Variants in GRAMD1B observed in about 807,000 individuals in gnomAD.
The protein encoded by GRAMD1B is GRAM domain containing 1B, also known as protein Aster-B.
In GRAMD1B, 37 loss-of-function variants were observed where a neutral mutation model predicts 99.7. The observed-to-expected ratio is 0.37, with a 90% confidence interval of 0.29 to 0.49. The LOEUF is 0.49. Among genes scored for constraint, GRAMD1B ranks in the 20% least tolerant of loss-of-function variants. GRAMD1B has a pLI of 0.98. For synonymous variants in GRAMD1B, 427 were observed against 387.6 expected, an observed-to-expected ratio of 1.10 and a Z score of -1.19; for missense variants, 888 against 1,009.2, an observed-to-expected ratio of 0.88 and a Z score of 1.63.
chr11:123,498,505 G>A lies in GRAMD1B; in HGVS notation c.452+17612G>A, dbSNP rs528254209. Among the ~76,000 whole-genome samples, 11 of 152,298 alleles carry A rather than the reference G, an allele frequency of 7.2e-5. No individual in the cohort carries two copies. In the South Asian group the frequency reaches 2.1e-3, roughly 29 times the overall value. The stretch of plus-strand genomic sequence containing the variant: ...GTTATATGAAATTAAAACCAGTTAC[G>A]GTAATTGCTCACCCAACATTGTTTC... On this transcript the variant is annotated intron_variant, in intron 2 of 19. Coordinates refer to ENST00000635736, the MANE Select transcript of GRAMD1B (RefSeq NM_001387025.1).
intron 10 of GRAMD1B, among the ~76,000 whole-genome samples, chr11:123,605,741 G>T (rs544580979): frequency 1.3e-5 from 2 of 152,350 alleles, no homozygotes; most frequent in South Asian, 4.1e-4. Context: ...AGCCCACTGT[G>T]CTGGGCTGCT....
At chr11:123,464,008 G>C (rs1247534927) in intron 1 of GRAMD1B, among the ~76,000 whole-genome samples, 1 of 152,054 alleles carries the variant, frequency 6.6e-6, no homozygotes, top group Non-Finnish European at 1.5e-5. Flanking sequence ...GACTTGACTA[G>C]AGCTGTTTTA....
intron 1 of GRAMD1B, among the ~76,000 whole-genome samples, chr11:123,367,012 T>C (rs1443525307): frequency 6.6e-6 from 1 of 152,144 alleles, no homozygotes; most frequent in East Asian, 1.9e-4. Flanking sequence ...AAGACCACCC[T>C]GAGCAACATA....
At position 123,577,400 on chromosome 11, in the gene GRAMD1B, C is replaced by A; in HGVS notation, c.486C>A (p.Ala162=). The A allele has an allele frequency of 6.3e-7, 1 of 1,595,684 alleles. No homozygotes were observed. The highest frequency in any genetic ancestry group is 8.5e-7 in the Non-Finnish European group (1 of 1,171,634). The part of the protein sequence containing the change: ...TASNSNRSTP[A]CSPILRKRSR... Reference sequence around the variant, plus strand: ...GTAACTCCAACCGCAGCACGCCGGCCTGCTCGCCCATCCTCCGGAAGCGGT... The same window carrying A: ...GTAACTCCAACCGCAGCACGCCGGCATGCTCGCCCATCCTCCGGAAGCGGT... Residue 162 remains alanine, a synonymous_variant, in exon 3 of 20, where the codon GCC becomes GCA. Coordinates refer to ENST00000635736, the MANE Select transcript of GRAMD1B (RefSeq NM_001387025.1).
At position 123,577,295 on chromosome 11, in the gene GRAMD1B, C is replaced by T. The variant is rs1174504440; in HGVS notation, c.453-72C>T. ...GCTCCTTTGGGCTTGTCCTTGGCCT[C>T]GATCACTGACTGCCTGCCTTTCCTC... On this transcript the variant is annotated intron_variant, in intron 2 of 19. Transcript: ENST00000635736. 4 of 1,310,348 alleles carry T rather than the reference C, an allele frequency of 3.1e-6. No individual in the cohort carries two copies. In the South Asian group the frequency reaches 3.9e-5, roughly 13 times the overall value. The allele number at this position is 1,310,348 out of a possible 1,614,324, so 81.2% of individuals were successfully genotyped here. A position where few individuals can be genotyped will look rare whatever the true frequency, so the allele number is the denominator to read the frequency against.
At chr11:123,577,711 T>C (rs1948879454) in intron 3 of GRAMD1B, 134 bp downstream of exon 3, 1 of 679,512 alleles carries the variant, frequency 1.5e-6, no homozygotes, top group South Asian at 1.8e-5. Flanking sequence ...ACAGTCATTA[T>C]CCAGTGAGGT....
chr11:123,367,937 G>A (rs991219374), intron 1 of GRAMD1B, among the ~76,000 whole-genome samples: 3 of 152,054 alleles, frequency 2.0e-5, no homozygotes, highest in Non-Finnish European at 4.4e-5. Context: ...GTAGCAGGTG[G>A]ATGGTGGAGG....
chr11:123,361,612 G>T (rs1424445053), intron 1 of GRAMD1B, among the ~76,000 whole-genome samples: 4 of 152,144 alleles, frequency 2.6e-5, no homozygotes, highest in Admixed American at 2.0e-4. Context: ...TCTTCAAATG[G>T]TAATAAAAGC....
intron 12 of GRAMD1B, among the ~76,000 whole-genome samples, chr11:123,609,158 A>G (rs1306476027): frequency 6.6e-6 from 1 of 152,056 alleles, no homozygotes; most frequent in Non-Finnish European, 1.5e-5. Flanking sequence ...ACGTGACGTT[A>G]TCTCATTCAG....
chr11:123,502,788 A>C (rs1940004600), intron 2 of GRAMD1B, among the ~76,000 whole-genome samples: 1 of 151,726 alleles, frequency 6.6e-6, no homozygotes, highest in Non-Finnish European at 1.5e-5. Flanking sequence ...AAAAAAAAAA[A>C]AAAAAGAAAG....
intron 1 of GRAMD1B, among the ~76,000 whole-genome samples, chr11:123,373,315 G>A (rs1398564022): frequency 6.6e-6 from 1 of 151,850 alleles, no homozygotes; most frequent in Non-Finnish European, 1.5e-5. Flanking sequence ...AGATAGCACG[G>A]GCACTGGTTT....
intron 1 of GRAMD1B, among the ~76,000 whole-genome samples, chr11:123,434,775 A>G (rs1002671553): frequency 3.3e-5 from 5 of 152,226 alleles, no homozygotes; most frequent in African/African-American, 1.2e-4. Flanking sequence ...GCGACAGAGC[A>G]AGACTCCATT....
intron 1 of GRAMD1B, among the ~76,000 whole-genome samples, chr11:123,393,499 G>A (rs966713106): frequency 6.6e-6 from 1 of 152,096 alleles, no homozygotes; most frequent in Non-Finnish European, 1.5e-5. Flanking sequence ...ACTGGGGCTG[G>A]AGGATCCAGT....
chr11:123,595,827 A>G (rs908449784), intron 6 of GRAMD1B, 115 bp from the exon 7 acceptor site: 2 of 605,112 alleles, frequency 3.3e-6, no homozygotes, highest in Admixed American at 6.1e-5. Flanking sequence ...TTCCAGGGTT[A>G]TAAATATGTG....
chr11:123,386,426 C>CA (rs1947059717), intron 1 of GRAMD1B, among the ~76,000 whole-genome samples: 1 of 138,440 alleles, frequency 7.2e-6, no homozygotes. Flanking sequence ...GAATGTTACT[C>CA]ACAATATACT....
chr11:123,524,284 C>CT (rs1942471803), intron 2 of GRAMD1B, among the ~76,000 whole-genome samples: 1 of 128,684 alleles, frequency 7.8e-6, no homozygotes, highest in Non-Finnish European at 1.8e-5. Flanking sequence ...AGTATGATGA[C>CT]TGTTACCAAC....
intron 2 of GRAMD1B, among the ~76,000 whole-genome samples, chr11:123,513,606 C>CT (rs1279391246): frequency 0.023 from 2,377 of 102,682 alleles, 38 homozygotes; most frequent in East Asian, 0.083. Flanking sequence ...TCCTTCCTTC[C>CT]TTCCTTCCTT....
chr11:123,531,730 G>GTTTT (rs57528529), intron 2 of GRAMD1B, among the ~76,000 whole-genome samples: 40 of 78,078 alleles, frequency 5.1e-4, no homozygotes, highest in African/African-American at 1.5e-3. Context: ...TTGCTAGATG[G>GTTTT]TTTTTTTTTT....
chr11:123,527,176 C>T (rs1302664203), intron 2 of GRAMD1B, among the ~76,000 whole-genome samples: 5 of 152,156 alleles, frequency 3.3e-5, no homozygotes, highest in South Asian at 4.2e-4. Context: ...GCTGTCCACG[C>T]GTGGGGTGGG....
Sources: gnomAD v4.1 joint callset for allele counts (sites outside exome capture counted in the v4.1 genomes callset) on GRCh38, gnomAD v4.1.1 for gene constraint, MANE v1.5 for transcripts, NCBI Gene and HGNC (gene_info 2026-07-23, HGNC 2026-07-21) for gene names.